Variants in RYR2 observed in about 807,000 individuals in gnomAD.
RYR2 encodes cardiac muscle ryanodine receptor-calcium release channel.
Under a neutral mutation model 601.1 loss-of-function variants are expected in RYR2, and 227 were observed. The observed-to-expected ratio is 0.38, with a 90% CI of 0.34 to 0.42. The LOEUF is 0.42. Ranked by LOEUF, RYR2 falls within the 10% of genes least tolerant of loss-of-function variation. RYR2 has a pLI of 1.00. For synonymous variants in RYR2, 2,223 were observed against 2,175.1 expected (o/e 1.02, Z -0.61); for missense variants, 4,646 against 6,156.5 (o/e 0.75, Z 8.21).
intron 1 of RYR2, among the ~76,000 whole-genome samples, chr1:237,252,032 A>G (rs1263917862): frequency 6.6e-6 from 1 of 151,996 alleles, no homozygotes; most frequent in Non-Finnish European, 1.5e-5. Context: ...AATAGAAGCC[A>G]CCATCGTCTT....
intron 24 of RYR2, among the ~76,000 whole-genome samples, chr1:237,530,106 T>G (rs973576703): frequency 3.9e-5 from 6 of 151,922 alleles, no homozygotes; most frequent in African/African-American, 1.5e-4. Context: ...GGTCAGGAGA[T>G]CGAGACCATC....
chr1:237,575,111 C>T (rs1000887608), intron 29 of RYR2, among the ~76,000 whole-genome samples: 1 of 152,190 alleles, frequency 6.6e-6, no homozygotes, highest in African/African-American at 2.4e-5. Context: ...GGCTTGCCAG[C>T]AGGGCAGTCC....
rs377503418 is a variant in RYR2 at position 237,792,236 on chromosome 1, C to A, written c.13695C>A (p.Ser4565Arg). 6.2e-6 allele frequency: 10 copies of A among 1,613,734 alleles called. No homozygotes were observed. Among genetic ancestry groups the A allele is most frequent in the Admixed American group, 1.7e-5 (1 of 59,994 alleles). Reference sequence around the variant, plus strand: ...TTCACTATGTACTAGAGGAGAGCAGCGGCTACATGGAGCCCACGTTGCGTA... The same window carrying A: ...TTCACTATGTACTAGAGGAGAGCAGAGGCTACATGGAGCCCACGTTGCGTA... ...IAVHYVLEESSGYMEPTLRIL... is the reference protein window; with the variant it reads ...IAVHYVLEESRGYMEPTLRIL... The change falls in exon 94 of 105, where the codon AGC (serine) becomes AGA (arginine). Residue 4565 changes from serine to arginine, a missense_variant. This residue lies in a region of RYR2 where 364 missense variants were observed against 442.9 expected (regional missense o/e 0.82). Coordinates refer to ENST00000366574, the MANE Select transcript of RYR2 (RefSeq NM_001035.3).
At chr1:237,111,308 C>A (rs1669436718) in intron 1 of RYR2, among the ~76,000 whole-genome samples, 1 of 152,162 alleles carries the variant, frequency 6.6e-6, no homozygotes, top group Admixed American at 6.5e-5. Context: ...TAATTCATTC[C>A]TTTCCCCTCC....
chr1:237,423,389 A>G (rs1025136776), intron 12 of RYR2, 141 bp downstream of exon 12: 5 of 1,033,648 alleles, frequency 4.8e-6, no homozygotes, highest in Non-Finnish European at 7.0e-6. Flanking sequence ...TTTCTCTTCC[A>G]TACATTCCTC....
rs1378759954 is a variant in RYR2, at chr1:237,090,987, A to G, written c.48+48418A>G. Among the ~76,000 whole-genome samples the G allele has an allele frequency of 2.0e-5, 3 of 152,326 alleles. No individual in the cohort carries two copies. The South Asian group carries it at 6.2e-4, about 32-fold the overall frequency. Reference sequence around the variant, plus strand: ...TAAACCAGTTAAATGAAAATTATGTACTTGTGTTTAATGTCATACATTTAT... The same window carrying G: ...TAAACCAGTTAAATGAAAATTATGTGCTTGTGTTTAATGTCATACATTTAT... On this transcript the variant is annotated intron_variant, in intron 1 of 104. Coordinates refer to ENST00000366574, the MANE Select transcript of RYR2 (RefSeq NM_001035.3).
intron 101 of RYR2, among the ~76,000 whole-genome samples, chr1:237,820,958 A>G (rs1316903400): frequency 6.6e-6 from 1 of 152,210 alleles, no homozygotes; most frequent in African/African-American, 2.4e-5. Flanking sequence ...CACTGCAGCC[A>G]GACTGCCTCT....
At chr1:237,096,209 A>G (rs2148489421) in intron 1 of RYR2, among the ~76,000 whole-genome samples, 1 of 152,302 alleles carries the variant, frequency 6.6e-6, no homozygotes, top group Middle Eastern at 3.4e-3. Flanking sequence ...CCTATTTCAA[A>G]TACTTTCCAC....
chr1:237,359,254 T>A (rs906797281), intron 4 of RYR2, among the ~76,000 whole-genome samples: 1 of 152,218 alleles, frequency 6.6e-6, no homozygotes, highest in Non-Finnish European at 1.5e-5. Context: ...GAATATCTCA[T>A]GTAATTTATT....
intron 10 of RYR2, among the ~76,000 whole-genome samples, chr1:237,407,810 G>A (rs1252944082): frequency 6.6e-6 from 1 of 151,800 alleles, no homozygotes; most frequent in Non-Finnish European, 1.5e-5. Flanking sequence ...TAGAGATGGG[G>A]TTTCACCGTG....
In RYR2 at chr1:237,396,313, A is replaced by G. The variant is rs139709002; in HGVS notation, c.773+8130A>G. 1.9e-3 allele frequency among the ~76,000 whole-genome samples: 284 copies of G among 152,312 alleles called. 4 individuals carry two copies. Among genetic ancestry groups the G allele is most frequent in the African/African-American group, 6.4e-3 (268 of 41,568 alleles). On this transcript the variant is annotated intron_variant, in intron 10 of 104. Transcript: ENST00000366574. ...TCTATATTGAGAATACCTTGATTTCAAGTGAGTAACTCTACATACGGGAAG... is the reference window on the plus strand; with the variant it reads ...TCTATATTGAGAATACCTTGATTTCGAGTGAGTAACTCTACATACGGGAAG...
Position 237,660,245 on chromosome 1 carries a change from A to G in RYR2, c.8298+171A>G, listed in dbSNP as rs10925486. Among the ~76,000 whole-genome samples, 8,997 of 149,734 alleles carry G rather than the reference A, an allele frequency of 0.06. 328 individuals are homozygous for G. Among genetic ancestry groups the G allele is most frequent in the African/African-American group, 0.09 (3,691 of 40,872 alleles). ...TTCTTATATTTTGTCTTTTCCTCTC[A>G]ATTCTTAATTTCTGTCAGCCTTTCT... On this transcript the variant is annotated intron_variant, in intron 55 of 104. Coordinates refer to ENST00000366574, the MANE Select transcript of RYR2 (RefSeq NM_001035.3).
At chr1:237,053,138 C>T (rs1423812500) in intron 1 of RYR2, among the ~76,000 whole-genome samples, 1 of 152,182 alleles carries the variant, frequency 6.6e-6, no homozygotes, top group Admixed American at 6.5e-5. Context: ...TGAGCCACCG[C>T]ACCCAACCCA....
Position 237,341,579 on chromosome 1 carries a change from C to T in RYR2, c.273+10597C>T, listed in dbSNP as rs1348880683. 6 of 497,794 alleles carry T rather than the reference C, an allele frequency of 1.2e-5. No individual in the cohort carries two copies. The East Asian group carries it at 3.4e-4, about 28-fold the overall frequency. 30.8% of individuals were successfully genotyped at this position (497,794 alleles called of 1,614,324 possible). A position where few individuals can be genotyped will look rare whatever the true frequency, so the allele number is the denominator to read the frequency against. Reference sequence around the variant, plus strand: ...GAGTGTAAATCTCAGGAATGCAGGTCTTTGGGTCTGTGGTATTCGCTTGCT... The same window carrying T: ...GAGTGTAAATCTCAGGAATGCAGGTTTTTGGGTCTGTGGTATTCGCTTGCT... On this transcript the variant is annotated intron_variant, in intron 3 of 104. Coordinates refer to ENST00000366574, the MANE Select transcript of RYR2 (RefSeq NM_001035.3).
At chr1:237,144,221 A>G (rs1274381162) in intron 1 of RYR2, among the ~76,000 whole-genome samples, 1 of 152,212 alleles carries the variant, frequency 6.6e-6, no homozygotes, top group Non-Finnish European at 1.5e-5. Flanking sequence ...ACCCTTTTAT[A>G]TAGCCAAGTA....
intron 1 of RYR2, among the ~76,000 whole-genome samples, chr1:237,160,267 G>A (rs981300400): frequency 7.9e-5 from 12 of 152,188 alleles, no homozygotes; most frequent in Non-Finnish European, 1.2e-4. Flanking sequence ...ATCTCATTTG[G>A]AAACAATGGA....
chr1:237,462,403 G>A (rs1168283301), intron 16 of RYR2, among the ~76,000 whole-genome samples: 1 of 152,140 alleles, frequency 6.6e-6, no homozygotes, highest in African/African-American at 2.4e-5. Context: ...GAATACCTCA[G>A]GATCTTAGAA....
At chr1:237,678,262 A>T (rs1018022889) in intron 61 of RYR2, 150 bp downstream of exon 61, 2 of 583,500 alleles carry the variant, frequency 3.4e-6, no homozygotes, top group Non-Finnish European at 6.2e-6. Context: ...AACTGCATGA[A>T]TCATCTTCCC....
chr1:237,253,025 C>T (rs984384888), intron 1 of RYR2, among the ~76,000 whole-genome samples: 2 of 151,848 alleles, frequency 1.3e-5, no homozygotes, highest in African/African-American at 2.4e-5. Context: ...ATGAGCCGGG[C>T]GTGGTGGTAC....
Sources: allele counts gnomAD v4.1 joint callset (sites outside exome capture counted in the v4.1 genomes callset), GRCh38; gene constraint gnomAD v4.1.1; regional missense constraint gnomAD v4.1.1; transcripts MANE v1.5; gene names NCBI Gene and HGNC (gene_info 2026-07-23, HGNC 2026-07-21).